The following FCHSD2 variants were observed in gnomAD, a reference collection of about 807,000 sequenced individuals.
The protein encoded by FCHSD2 is FCH and double SH3 domains 2, also known as F-BAR and double SH3 domains protein 2.
In FCHSD2, 38 loss-of-function variants were observed where a neutral mutation model predicts 108.1. The ratio of observed to expected loss-of-function variants is 0.35; its 90% CI spans 0.27 to 0.46. The LOEUF is 0.46. FCHSD2 is among the 20% of genes least tolerant of loss of function. FCHSD2 has a pLI of 1.00. For missense variants in FCHSD2, 751 were observed against 897.8 expected (o/e 0.84, Z 2.09); for synonymous variants, 279 against 314.7 (o/e 0.89, Z 1.20).
intron 3 of FCHSD2, among the ~76,000 whole-genome samples, chr11:73,059,904 C>T (rs1161242265): frequency 3.3e-5 from 5 of 152,164 alleles, no homozygotes; most frequent in Non-Finnish European, 5.9e-5. Flanking sequence ...TGTACCAAAA[C>T]TTTGCTTATA....
intron 3 of FCHSD2, among the ~76,000 whole-genome samples, chr11:73,074,497 A>T (rs1007384927): frequency 6.6e-6 from 1 of 152,230 alleles, no homozygotes; most frequent in Non-Finnish European, 1.5e-5. Context: ...AATATTAAAC[A>T]ATAAAAATTC....
At chr11:72,990,789 A>C (rs1857396514) in intron 5 of FCHSD2, among the ~76,000 whole-genome samples, 1 of 152,266 alleles carries the variant, frequency 6.6e-6, no homozygotes, top group African/African-American at 2.4e-5. Flanking sequence ...TAACATGACA[A>C]GGCAAAGAAC....
intron 8 of FCHSD2, among the ~76,000 whole-genome samples, chr11:72,950,429 T>A (rs901562183): frequency 6.7e-6 from 1 of 149,484 alleles, no homozygotes; most frequent in South Asian, 2.1e-4. Flanking sequence ...TAGACTTGCA[T>A]TTTTTTTTTC....
chr11:73,093,641 G>T (rs1268117528), intron 2 of FCHSD2, among the ~76,000 whole-genome samples: 1 of 151,790 alleles, frequency 6.6e-6, no homozygotes, highest in Non-Finnish European at 1.5e-5. Flanking sequence ...CGCTCTTGTT[G>T]CCCAGGCTGG....
rs200788964 is a variant in FCHSD2, at chr11:72,907,598, G to GTTTTTT, written c.829-4961_829-4960insAAAAAA. 1.4e-4 allele frequency among the ~76,000 whole-genome samples: 10 copies of GTTTTTT among 72,714 alleles called. 1 individual carries two copies. Among genetic ancestry groups the GTTTTTT allele is most frequent in the Non-Finnish European group, 1.5e-4 (6 of 41,012 alleles). 47.7% of individuals were successfully genotyped at this position (72,714 alleles called of 152,430 possible). A position where few individuals can be genotyped will look rare whatever the true frequency, so the allele number is the denominator to read the frequency against. On this transcript the variant is annotated intron_variant, in intron 9 of 19. Coordinates refer to ENST00000409418, the MANE Select transcript of FCHSD2 (RefSeq NM_014824.3). ...CTGCATCTATTGAGATAATCACGTG[G>GTTTTTT]GTTTTTTTTTTTTTTTTTTTTCTTG...
chr11:72,901,295 G>A (rs1335650560), intron 10 of FCHSD2, among the ~76,000 whole-genome samples: 1 of 76,448 alleles, frequency 1.3e-5, no homozygotes, highest in African/African-American at 5.5e-5. Flanking sequence ...TAATCGGGAG[G>A]CTGATGTGGG....
At chr11:73,099,767 G>A (rs1483291544) in intron 2 of FCHSD2, among the ~76,000 whole-genome samples, 1 of 152,240 alleles carries the variant, frequency 6.6e-6, no homozygotes, top group Non-Finnish European at 1.5e-5. Flanking sequence ...GTGGTTTCCA[G>A]AGAGTGACTG....
chr11:72,928,566 T>A (rs144520810), intron 8 of FCHSD2, among the ~76,000 whole-genome samples: 1 of 152,282 alleles, frequency 6.6e-6, no homozygotes, highest in Non-Finnish European at 1.5e-5. Flanking sequence ...GCTTACTGAG[T>A]TCCAAGTGCT....
rs776509628 is a variant in FCHSD2 at position 72,959,611 on chromosome 11, T to A, written c.705+24477A>T. ...AGGGTTGCTTCTACAGTCAGTCAGG[T>A]GCCACATGAAATAAAAAGTCTCCAC... On this transcript the variant is annotated intron_variant, in intron 8 of 19. Coordinates refer to ENST00000409418, the MANE Select transcript of FCHSD2 (RefSeq NM_014824.3). 5.9e-5 allele frequency among the ~76,000 whole-genome samples: 9 copies of A among 152,250 alleles called. No individual in the cohort carries two copies. In the Middle Eastern group the frequency reaches 0.01, roughly 173 times the overall value.
chr11:73,101,692 C>A (rs1860229513), intron 2 of FCHSD2, among the ~76,000 whole-genome samples: 1 of 152,016 alleles, frequency 6.6e-6, no homozygotes, highest in East Asian at 1.9e-4. Flanking sequence ...CCACTTTGGC[C>A]TCCCAAAGTG....
intron 3 of FCHSD2, among the ~76,000 whole-genome samples, chr11:73,040,663 G>C (rs973447371): frequency 1.3e-5 from 2 of 152,250 alleles, no homozygotes; most frequent in African/African-American, 4.8e-5. Context: ...TATTCAATAT[G>C]TAATGATCAA....
intron 3 of FCHSD2, among the ~76,000 whole-genome samples, chr11:73,051,911 A>C (rs1331849637): frequency 8.5e-6 from 1 of 118,290 alleles, no homozygotes; most frequent in African/African-American, 3.5e-5. Context: ...ACACACACAC[A>C]CACACCCCAC....
rs1356356546 is a variant in FCHSD2, at chr11:73,068,325, G to C, written c.165+15370C>G. Among the ~76,000 whole-genome samples the C allele has an allele frequency of 2.0e-5, 3 of 150,432 alleles. 1 individual carries two copies. ...AACAACACACACTGAACACCTGTGC[G>C]GTGGGTGGTGGAGGGAGGGTGGGGT... On this transcript the variant is annotated intron_variant, in intron 3 of 19. Transcript: ENST00000409418.
At chr11:73,099,651 C>T (rs992460812) in intron 2 of FCHSD2, among the ~76,000 whole-genome samples, 2 of 152,226 alleles carry the variant, frequency 1.3e-5, no homozygotes, top group Admixed American at 1.3e-4. Flanking sequence ...CGCCCAGGCA[C>T]CCCTGAGCAG....
chr11:73,139,887 A>C (rs1217085873), intron 2 of FCHSD2, 144 bp downstream of exon 2: 3 of 516,966 alleles, frequency 5.8e-6, no homozygotes, highest in African/African-American at 3.9e-5. Flanking sequence ...TTCCAGTTCT[A>C]ATTTCCAGCT....
chr11:72,869,909 G>C (rs939060964), intron 12 of FCHSD2, among the ~76,000 whole-genome samples: 6 of 152,050 alleles, frequency 3.9e-5, no homozygotes, highest in African/African-American at 1.5e-4. Flanking sequence ...ACTCCTGACT[G>C]TCTACTGAGT....
At chr11:73,064,211 A>C (rs1405126685) in intron 3 of FCHSD2, among the ~76,000 whole-genome samples, 1 of 152,218 alleles carries the variant, frequency 6.6e-6, no homozygotes, top group African/African-American at 2.4e-5. Context: ...AAATGAAGAC[A>C]GAAATAAAGA....
At chr11:72,969,839 C>A (rs1856976545) in intron 8 of FCHSD2, among the ~76,000 whole-genome samples, 1 of 152,148 alleles carries the variant, frequency 6.6e-6, no homozygotes, top group African/African-American at 2.4e-5. Flanking sequence ...AGTTTAAACA[C>A]ACACATTGGT....
intron 8 of FCHSD2, among the ~76,000 whole-genome samples, chr11:72,956,300 T>A (rs1262011221): frequency 6.6e-6 from 1 of 151,938 alleles, no homozygotes. Flanking sequence ...ATGATGAAAA[T>A]AGAAAACCAC....
Sources: gnomAD v4.1 joint callset for allele counts (sites outside exome capture counted in the v4.1 genomes callset) on GRCh38, gnomAD v4.1.1 for gene constraint, MANE v1.5 for transcripts, NCBI Gene and HGNC (gene_info 2026-07-23, HGNC 2026-07-21) for gene names.